The following RANBP2 variants were observed in gnomAD, a reference collection of about 807,000 sequenced individuals.
RANBP2 encodes the protein RAN binding protein 2, also known as E3 SUMO-protein ligase RanBP2.
Under a neutral mutation model 303.6 loss-of-function variants are expected in RANBP2, and 57 were observed. That is an observed-to-expected ratio of 0.19 (90% CI 0.15 to 0.23). The LOEUF is 0.23. Ranked by LOEUF, RANBP2 falls within the 10% of genes least tolerant of loss-of-function variation. The pLI is 1.00. For missense variants in RANBP2, 3,138 were observed against 3,780.8 expected (o/e 0.83, Z 4.46); for synonymous variants, 1,167 against 1,301.5 (o/e 0.90, Z 2.23).
At chr2:109,593,396 G>A in the RANBP2 span, among the ~76,000 whole-genome samples, 1 of 142,084 alleles carries the variant, frequency 7.0e-6, no homozygotes, top group African/African-American at 2.6e-5. Context: ...TTTACAAGTA[G>A]AGAGAGAAAG....
the RANBP2 span, chr2:108,856,778 C>T: frequency 1.2e-6 from 2 of 1,608,616 alleles, no homozygotes; most frequent in African/African-American, 2.7e-5. Context: ...GTTGATTGTA[C>T]ATAACTATTT....
At chr2:108,979,467 T>TCACACACACA in the RANBP2 span, among the ~76,000 whole-genome samples, 1 of 147,112 alleles carries the variant, frequency 6.8e-6, no homozygotes, top group Non-Finnish European at 1.5e-5. Context: ...TCTCTCTCTC[T>TCACACACACA]CACACACACA....
At chr2:109,115,358 T>C in the RANBP2 span, among the ~76,000 whole-genome samples, 3 of 152,234 alleles carry the variant, frequency 2.0e-5, no homozygotes, top group Non-Finnish European at 2.9e-5. Context: ...CTCTTCTTGT[T>C]GAATTGATCC....
chr2:109,512,667 G>A, the RANBP2 span, among the ~76,000 whole-genome samples: 1 of 152,182 alleles, frequency 6.6e-6, no homozygotes, highest in Non-Finnish European at 1.5e-5. Flanking sequence ...AGCCACAGAG[G>A]CTGAGCAAGA....
chr2:108,945,029 C>T, the RANBP2 span, among the ~76,000 whole-genome samples: 2,375 of 152,186 alleles, frequency 0.016, 65 homozygotes, highest in African/African-American at 0.056. Context: ...AAAAGTTGCC[C>T]CCTGCTGTCT....
chr2:109,029,112 C>T, the RANBP2 span, among the ~76,000 whole-genome samples: 2 of 151,874 alleles, frequency 1.3e-5, no homozygotes, highest in Non-Finnish European at 2.9e-5. Context: ...CTTTAGCCCT[C>T]ACCTCATTCT....
the RANBP2 span, among the ~76,000 whole-genome samples, chr2:109,222,481 A>G: frequency 6.9e-6 from 1 of 145,700 alleles, no homozygotes; most frequent in Admixed American, 6.7e-5. Context: ...GTATCAGTAA[A>G]AGTTCCTCCA....
At chr2:108,923,515 T>C in the RANBP2 span, 30 of 1,515,872 alleles carry the variant, frequency 2.0e-5, no homozygotes, top group Admixed American at 5.0e-4. Flanking sequence ...AGGCAGGGAC[T>C]GGTGCAGAGA....
At chr2:109,491,089 G>C in the RANBP2 span, 1 of 345,682 alleles carries the variant, frequency 2.9e-6, no homozygotes, top group Non-Finnish European at 4.1e-6. Flanking sequence ...CCGAGCTTGG[G>C]TGGTGAGTGC....
At chr2:109,537,664 A>C in the RANBP2 span, among the ~76,000 whole-genome samples, 1 of 152,128 alleles carries the variant, frequency 6.6e-6, no homozygotes. Flanking sequence ...GTTTAGGGAC[A>C]GCTGGGTGCG....
the RANBP2 span, among the ~76,000 whole-genome samples, chr2:109,407,325 C>T: frequency 6.6e-6 from 1 of 152,212 alleles, no homozygotes; most frequent in Non-Finnish European, 1.5e-5. Context: ...CATCAAAAGA[C>T]AGCATTTCTC....
chr2:109,561,343 C>T, the RANBP2 span, among the ~76,000 whole-genome samples: 2 of 152,108 alleles, frequency 1.3e-5, no homozygotes. Context: ...TTGGAACCCC[C>T]CCACCCACAC....
the RANBP2 span, among the ~76,000 whole-genome samples, chr2:109,577,608 A>T: frequency 6.6e-6 from 1 of 151,140 alleles, no homozygotes; most frequent in Non-Finnish European, 1.5e-5. Flanking sequence ...TAAAAAAAAA[A>T]AAAAGAAAAA....
At chr2:109,025,030 C>T in the RANBP2 span, among the ~76,000 whole-genome samples, 1 of 152,152 alleles carries the variant, frequency 6.6e-6, no homozygotes, top group Non-Finnish European at 1.5e-5. Flanking sequence ...CTCTTCCCAG[C>T]TGCTGGTAAC....
At chr2:109,303,259 T>G in the RANBP2 span, among the ~76,000 whole-genome samples, 1 of 152,172 alleles carries the variant, frequency 6.6e-6, no homozygotes, top group Non-Finnish European at 1.5e-5. Context: ...GAGGACCACC[T>G]CCCTCACATA....
the RANBP2 span, among the ~76,000 whole-genome samples, chr2:109,402,641 G>A: frequency 0.011 from 1,601 of 152,314 alleles, 45 homozygotes; most frequent in African/African-American, 0.037. Flanking sequence ...GTCCATTCAG[G>A]CTGTGATAAA....
the RANBP2 span, among the ~76,000 whole-genome samples, chr2:109,005,573 C>T: frequency 6.6e-6 from 1 of 152,242 alleles, no homozygotes; most frequent in African/African-American, 2.4e-5. Context: ...GTGTGCAACA[C>T]TCTCTTCCCC....
At chr2:109,318,077 T>C in the RANBP2 span, among the ~76,000 whole-genome samples, 23 of 146,714 alleles carry the variant, frequency 1.6e-4, no homozygotes, top group Non-Finnish European at 2.2e-4. Context: ...TTCTAAGCCA[T>C]GAGCACGCTG....
the RANBP2 span, among the ~76,000 whole-genome samples, chr2:108,837,198 C>G: frequency 6.6e-6 from 1 of 152,028 alleles, no homozygotes; most frequent in Non-Finnish European, 1.5e-5. Context: ...TTTATTATAT[C>G]GAGGTGGTTT....
Sources: allele counts gnomAD v4.1 joint callset (sites outside exome capture counted in the v4.1 genomes callset), GRCh38; gene constraint gnomAD v4.1.1; transcripts MANE v1.5; gene names NCBI Gene and HGNC (gene_info 2026-07-23, HGNC 2026-07-21).